Variants in SH2D7 observed in about 807,000 individuals in gnomAD.
The protein encoded by SH2D7 is SH2 domain containing 7.
A neutral mutation model predicts 40.8 loss-of-function variants in SH2D7; 32 were observed. The observed-to-expected ratio is 0.78, with a 90% CI of 0.59 to 1.05. The LOEUF (loss-of-function observed/expected upper bound fraction) is 1.05. Ranked by LOEUF, SH2D7 falls within the 50% of genes least tolerant of loss-of-function variation. The probability of loss-of-function intolerance (pLI) is 0.00; values close to 1 mark genes in which losing one functional copy is unlikely to be tolerated. For missense variants in SH2D7, 559 were observed against 566.6 expected (o/e 0.99, Z 0.14); for synonymous variants, 195 against 221.5 (o/e 0.88, Z 1.06).
At chr15:78,096,753 G>A (rs1341214482) in intron 2 of SH2D7, among the ~76,000 whole-genome samples, 3 of 151,286 alleles carry the variant, frequency 2.0e-5, no homozygotes, top group Admixed American at 6.6e-5. Context: ...TGCCTGCCTC[G>A]GCCCCTCAAA....
At chr15:78,103,357 TC>T (rs949258241) in intron 5 of SH2D7, 107 bp from the exon 6 acceptor site, 16 of 1,300,732 alleles carry the variant, frequency 1.2e-5, no homozygotes, top group Admixed American at 2.3e-5. Context: ...TGGCCTCATG[TC>T]CTAGGCTTGG....
At chr15:78,098,361 C>G in intron 3 of SH2D7, 23 bp from the exon 4 acceptor site, 3 of 1,611,450 alleles carry the variant, frequency 1.9e-6, no homozygotes, top group Non-Finnish European at 2.5e-6. Flanking sequence ...GACCACATAC[C>G]TGCCGTATCC....
At chr15:78,093,691 A>G (rs2073952762) in intron 1 of SH2D7, among the ~76,000 whole-genome samples, 1 of 152,256 alleles carries the variant, frequency 6.6e-6, no homozygotes, top group South Asian at 2.1e-4. Context: ...TGTAGTGCAC[A>G]TCCTGCAGCA....
At chr15:78,098,675 A>C (rs1248927870) in intron 4 of SH2D7, 79 bp downstream of exon 4, 4 of 1,474,356 alleles carry the variant, frequency 2.7e-6, no homozygotes, top group Non-Finnish European at 2.8e-6. Context: ...TCAGACCCTG[A>C]GGCCAGGCCA....
intron 2 of SH2D7, among the ~76,000 whole-genome samples, chr15:78,095,251 A>G (rs1032851205): frequency 1.4e-4 from 21 of 152,234 alleles, no homozygotes; most frequent in African/African-American, 5.1e-4. Flanking sequence ...ATAAATGTTA[A>G]TCATTGTTAA....
At chr15:78,096,665 T>TC in intron 2 of SH2D7, among the ~76,000 whole-genome samples, 1 of 151,782 alleles carries the variant, frequency 6.6e-6, no homozygotes, top group South Asian at 2.1e-4. Context: ...CGGCTATTTT[T>TC]TTTTTTTTAA....
intron 1 of SH2D7, among the ~76,000 whole-genome samples, chr15:78,093,534 G>A (rs1463459174): frequency 2.0e-5 from 3 of 152,256 alleles, no homozygotes; most frequent in East Asian, 3.8e-4. Flanking sequence ...CCACAAGACA[G>A]CTGGAACTTT....
chr15:78,101,268 G>A lies in SH2D7; in HGVS notation c.1015G>A (p.Ala339Thr). The change falls in exon 5 of 6, where the codon GCT becomes ACT. Residue 339 changes from alanine (A) to threonine (T), a missense_variant. Ala to Thr is a moderately conservative substitution (Grantham distance 58). Coordinates refer to ENST00000328828, the MANE Select transcript of SH2D7 (RefSeq NM_001101404.2). ...GGAGTTTCCAAAGCTGAGCCAAGAG[G>A]CTCAGCCCTGCTCCCAGGGCAGCTC... is the stretch of plus-strand genomic sequence containing the variant. ...RQEFPKLSQE[A>T]QPCSQGSSAD... 1 of 1,611,498 alleles carries A rather than the reference G, an allele frequency of 6.2e-7. No homozygotes were observed. The highest frequency in any genetic ancestry group is 1.7e-5 in the Admixed American group (1 of 59,422).
At chr15:78,092,504 C>T (rs775433233), upstream of SH2D7, 2 of 1,445,842 alleles carry the variant, frequency 1.4e-6, no homozygotes, top group Non-Finnish European at 1.8e-6. Context: ...GGCACGGGCT[C>T]AGGCAAATGA....
intron 2 of SH2D7, among the ~76,000 whole-genome samples, chr15:78,095,117 C>T (rs60121404): frequency 0.033 from 4,977 of 152,278 alleles, 137 homozygotes; most frequent in East Asian, 0.15. Flanking sequence ...TCTGTTCCCC[C>T]GTTTCCTCAT....
At chr15:78,100,812 G>A in intron 4 of SH2D7, 87 bp from the exon 5 acceptor site, 2 of 1,464,752 alleles carry the variant, frequency 1.4e-6, no homozygotes, top group East Asian at 2.3e-5. Context: ...AAGACAGGGG[G>A]CCTCGGCTTA....
chr15:78,101,710 T>A (rs2074018765), intron 5 of SH2D7, among the ~76,000 whole-genome samples, 152 bp downstream of exon 5: 1 of 151,732 alleles, frequency 6.6e-6, no homozygotes, highest in South Asian at 2.1e-4. Context: ...TGCCTAGAAG[T>A]GGTGGTGGTG....
upstream of SH2D7, among the ~76,000 whole-genome samples, chr15:78,090,626 T>C (rs907157604): frequency 1.0e-4 from 8 of 78,184 alleles, no homozygotes; most frequent in Non-Finnish European, 1.8e-4. Flanking sequence ...TGCATCACCA[T>C]CATCATCATC....
chr15:78,092,734 C>A lies in SH2D7; in HGVS notation c.150C>A (p.Pro50=), dbSNP rs768445415. The change falls in exon 1 of 6, where the codon CCC becomes CCA. Residue 50 remains proline, a synonymous_variant. Transcript: ENST00000328828. The stretch of plus-strand genomic sequence containing the variant: ...TTCTGCAGAACGGTGCCCTGCCTCC[C>A]TGGTTTCATGGATTCATCACCCGCA... ...PFILQNGALP[P]WFHGFITRKQ... 67 of 1,607,814 alleles carry A rather than the reference C, an allele frequency of 4.2e-5. No individual in the cohort carries two copies. The highest frequency in any genetic ancestry group is 5.6e-5 in the Non-Finnish European group (66 of 1,176,986).
intron 1 of SH2D7, 103 bp downstream of exon 1, chr15:78,092,863 G>A: frequency 1.5e-6 from 2 of 1,362,750 alleles, no homozygotes; most frequent in South Asian, 3.1e-5. Context: ...TCCTTTCCCT[G>A]GGCTAGGCAG....
intron 4 of SH2D7, among the ~76,000 whole-genome samples, chr15:78,100,226 T>C (rs1392044769): frequency 6.6e-6 from 1 of 152,226 alleles, no homozygotes; most frequent in Non-Finnish European, 1.5e-5. Context: ...TGGTGCTCAC[T>C]AAATATTTGT....
intron 5 of SH2D7, 71 bp downstream of exon 5, chr15:78,101,629 GCC>G (rs1466357867): frequency 6.8e-7 from 1 of 1,474,688 alleles, no homozygotes; most frequent in Non-Finnish European, 9.0e-7. Flanking sequence ...ACAACCTGAA[GCC>G]CCCAGGCATA....
chr15:78,095,536 G>A (rs774377155), intron 2 of SH2D7, among the ~76,000 whole-genome samples: 4 of 152,198 alleles, frequency 2.6e-5, no homozygotes, highest in Non-Finnish European at 2.9e-5. Flanking sequence ...CTGCAATTCC[G>A]TGGGGGAAAG....
chr15:78,103,650 T>C lies in SH2D7; in HGVS notation c.*135T>C. 8.9e-7 allele frequency: 1 copy of C among 1,123,838 alleles called. No homozygotes were observed. The highest frequency in any genetic ancestry group is 1.3e-6 in the Non-Finnish European group (1 of 797,412). The allele number at this position is 1,123,838 out of a possible 1,614,324, so 69.6% of individuals were successfully genotyped here. ...CATCCAGCCTGCTACAGAACTAGGC[T>C]CCGAGACAGCCGAGGTGCCTGCCTG... is the stretch of plus-strand genomic sequence containing the variant. On this transcript the variant is annotated 3_prime_UTR_variant, in exon 6 of 6. Transcript: ENST00000328828.
Sources: allele counts gnomAD v4.1 joint callset (sites outside exome capture counted in the v4.1 genomes callset), GRCh38; gene constraint gnomAD v4.1.1; transcripts MANE v1.5; gene names NCBI Gene and HGNC (gene_info 2026-07-23, HGNC 2026-07-21).